Variants in THEMIS observed in about 807,000 individuals in gnomAD.
THEMIS encodes thymocyte selection associated.
Under a neutral mutation model 52.6 loss-of-function variants are expected in THEMIS, and 37 were observed. The ratio of observed to expected loss-of-function variants is 0.70; its 90% confidence interval spans 0.54 to 0.93. The LOEUF is 0.93. Ranked by LOEUF, THEMIS falls within the 40% of genes least tolerant of loss-of-function variation. THEMIS has a pLI of 0.00. For missense variants in THEMIS, 808 were observed against 763.1 expected (o/e 1.06, Z -0.69); for synonymous variants, 292 against 272.7 (o/e 1.07, Z -0.70).
At chr6:127,707,206 T>G (rs563885614), downstream of THEMIS, among the ~76,000 whole-genome samples, 20 of 152,022 alleles carry the variant, frequency 1.3e-4, no homozygotes, top group South Asian at 3.9e-3. Flanking sequence ...CCATGACACA[T>G]GGGGATTATG....
chr6:127,725,448 G>C (rs187068559), intron 4 of THEMIS, among the ~76,000 whole-genome samples: 59 of 151,926 alleles, frequency 3.9e-4, no homozygotes, highest in African/African-American at 1.3e-3. Flanking sequence ...GTGTGTGTGT[G>C]TCTGTGTGTG....
At chr6:127,903,022 C>T (rs151181520), upstream of THEMIS, among the ~76,000 whole-genome samples, 136 of 152,168 alleles carry the variant, frequency 8.9e-4, no homozygotes, top group Non-Finnish European at 1.4e-3. Flanking sequence ...CGACAGATGA[C>T]GCTCTCTCTG....
intron 4 of THEMIS, among the ~76,000 whole-genome samples, chr6:127,762,600 C>T (rs1043969096): frequency 2.6e-5 from 4 of 152,044 alleles, no homozygotes; most frequent in South Asian, 2.1e-4. Flanking sequence ...TTGTCAGTCC[C>T]CTCCACCTGG....
chr6:127,819,917 C>A (rs1471361044), intron 3 of THEMIS, among the ~76,000 whole-genome samples: 2 of 152,044 alleles, frequency 1.3e-5, no homozygotes, highest in Non-Finnish European at 2.9e-5. Context: ...ATTGATCTAA[C>A]AGAAAACAGT....
At position 127,709,028 on chromosome 6, in the gene THEMIS, T is replaced by C. The variant is rs1037277503; in HGVS notation, c.*957A>G. ...TTTGTTAAAGGAAAAATAATATTGT[T>C]CCTGTATACTTAATACATAATAAGA... On this transcript the variant is annotated 3_prime_UTR_variant, in exon 6 of 6. Coordinates refer to ENST00000368248, the MANE Select transcript of THEMIS (RefSeq NM_001010923.3). 3 of 151,976 alleles carry C rather than the reference T, an allele frequency of 2.0e-5. No homozygotes were observed. The highest frequency in any genetic ancestry group is 4.4e-5 in the Non-Finnish European group (3 of 67,938). The allele number at this position is 151,976 out of a possible 1,614,324, so 9.4% of individuals were successfully genotyped here. A position where few individuals can be genotyped will look rare whatever the true frequency, so the allele number is the denominator to read the frequency against.
At chr6:127,706,038 TC>T (rs1037724772), downstream of THEMIS, among the ~76,000 whole-genome samples, 1 of 152,054 alleles carries the variant, frequency 6.6e-6, no homozygotes, top group Admixed American at 6.6e-5. Context: ...ACGAGTATCT[TC>T]CCCCTTAACC....
intron 5 of THEMIS, among the ~76,000 whole-genome samples, chr6:127,717,887 A>C (rs1774226828): frequency 6.6e-6 from 1 of 151,536 alleles, no homozygotes; most frequent in Non-Finnish European, 1.5e-5. Flanking sequence ...CGTCAAAGAG[A>C]ATTTAGGAAA....
chr6:127,815,910 T>C (rs1778113867), intron 3 of THEMIS, among the ~76,000 whole-genome samples: 1 of 152,174 alleles, frequency 6.6e-6, no homozygotes, highest in Non-Finnish European at 1.5e-5. Context: ...CAATCTGTCT[T>C]TGTACATGGT....
chr6:127,825,660 C>G (rs1285057198), intron 3 of THEMIS, among the ~76,000 whole-genome samples: 1 of 152,100 alleles, frequency 6.6e-6, no homozygotes, highest in Non-Finnish European at 1.5e-5. Flanking sequence ...AAATGGAATT[C>G]CCAGGGCAGC....
chr6:127,759,390 T>C (rs1775939767), intron 4 of THEMIS, among the ~76,000 whole-genome samples: 1 of 152,168 alleles, frequency 6.6e-6, no homozygotes, highest in Non-Finnish European at 1.5e-5. Context: ...CTCATATAAA[T>C]TGAATATATT....
At chr6:127,772,715 G>A (rs1776429443) in intron 4 of THEMIS, among the ~76,000 whole-genome samples, 1 of 152,026 alleles carries the variant, frequency 6.6e-6, no homozygotes, top group South Asian at 2.1e-4. Context: ...TTCTAATTCT[G>A]ATGGCTCTTC....
intron 4 of THEMIS, among the ~76,000 whole-genome samples, chr6:127,734,896 A>AAAAAATATAT (rs1554216674): frequency 1.5e-5 from 1 of 65,424 alleles, no homozygotes; most frequent in Non-Finnish European, 3.1e-5. Flanking sequence ...AAAAAAAAAA[A>AAAAAATATAT]ATATATATAT....
chr6:127,909,642 C>T (rs951427979), intron 1 of THEMIS, among the ~76,000 whole-genome samples: 1 of 152,040 alleles, frequency 6.6e-6, no homozygotes, highest in South Asian at 2.1e-4. Context: ...ACTTGGTAAC[C>T]AAAGCTTTGT....
intron 4 of THEMIS, among the ~76,000 whole-genome samples, chr6:127,736,214 G>T (rs1774999749): frequency 6.6e-6 from 1 of 152,042 alleles, no homozygotes; most frequent in Non-Finnish European, 1.5e-5. Context: ...GTTTAAAATT[G>T]TATATTTAGA....
intron 3 of THEMIS, among the ~76,000 whole-genome samples, chr6:127,821,002 T>C (rs1778320359): frequency 6.6e-6 from 1 of 151,974 alleles, no homozygotes; most frequent in South Asian, 2.1e-4. Context: ...CCAACACTTA[T>C]AGTGTTGTTT....
chr6:127,869,616 A>G (rs1780094110), intron 1 of THEMIS, among the ~76,000 whole-genome samples: 1 of 152,226 alleles, frequency 6.6e-6, no homozygotes, highest in Non-Finnish European at 1.5e-5. Flanking sequence ...TTTTATTCAA[A>G]GGCTTCAGCT....
chr6:127,776,804 G>C (rs1452198907), intron 4 of THEMIS, among the ~76,000 whole-genome samples: 1 of 152,024 alleles, frequency 6.6e-6, no homozygotes, highest in Non-Finnish European at 1.5e-5. Flanking sequence ...CTGTTTATTT[G>C]TTTACATTAA....
At position 127,879,725 on chromosome 6, in the gene THEMIS, A is replaced by AT. The variant is rs1482026812; in HGVS notation, c.91+21116_91+21117insA. On this transcript the variant is annotated intron_variant, in intron 1 of 5. Coordinates refer to ENST00000368248, the MANE Select transcript of THEMIS (RefSeq NM_001010923.3). The stretch of plus-strand genomic sequence containing the variant: ...GGGTGTAGAAAAAGAAAGAAAAAAA[A>AT]CGAGGACTTAGTGCAGTCGGGGAAG... 2.0e-5 allele frequency among the ~76,000 whole-genome samples: 3 copies of AT among 152,046 alleles called. No homozygotes were observed. In the South Asian group the frequency reaches 6.2e-4, roughly 32 times the overall value.
intron 4 of THEMIS, among the ~76,000 whole-genome samples, chr6:127,785,601 A>C (rs959410475): frequency 7.2e-5 from 11 of 152,080 alleles, no homozygotes; most frequent in African/African-American, 2.4e-4. Flanking sequence ...GGATTATAAA[A>C]ATATAATCGT....
Sources: allele counts gnomAD v4.1 joint callset (sites outside exome capture counted in the v4.1 genomes callset), GRCh38; gene constraint gnomAD v4.1.1; transcripts MANE v1.5; gene names NCBI Gene and HGNC (gene_info 2026-07-23, HGNC 2026-07-21).